Variants in PDE8B observed in about 807,000 individuals in gnomAD.
The protein encoded by PDE8B is phosphodiesterase 8B, also known as high affinity cAMP-specific and IBMX-insensitive 3',5'-cyclic phosphodiesterase 8B.
In PDE8B, 26 loss-of-function variants were observed where a neutral mutation model predicts 101.3. That is an observed-to-expected ratio of 0.26 (90% CI 0.19 to 0.36). The LOEUF is 0.36. PDE8B is among the 10% of genes least tolerant of loss of function. The probability of loss-of-function intolerance (pLI) is 1.00; values close to 1 mark genes in which losing one functional copy is unlikely to be tolerated. For missense variants in PDE8B, 810 were observed against 1,163.1 expected (o/e 0.70, Z 4.42); for synonymous variants, 424 against 429.3 (o/e 0.99, Z 0.15).
At chr5:77,396,765 C>T (rs1336966761) in intron 10 of PDE8B, among the ~76,000 whole-genome samples, 3 of 152,062 alleles carry the variant, frequency 2.0e-5, no homozygotes, top group African/African-American at 7.2e-5. Context: ...ACTTCTTTAT[C>T]AAAACACATC....
intron 10 of PDE8B, among the ~76,000 whole-genome samples, chr5:77,378,415 C>T (rs926930197): frequency 8.8e-5 from 12 of 136,018 alleles, no homozygotes; most frequent in African/African-American, 2.0e-4. Context: ...ACTGAGATCG[C>T]GCCACCGCAC....
the PDE8B span, among the ~76,000 whole-genome samples, chr5:77,154,704 C>A: frequency 3.9e-5 from 6 of 152,244 alleles, no homozygotes; most frequent in Admixed American, 3.9e-4. Context: ...GACCTTGTGA[C>A]GTGACACATA....
the PDE8B span, among the ~76,000 whole-genome samples, chr5:77,101,140 T>A: frequency 6.6e-6 from 1 of 151,172 alleles, no homozygotes; most frequent in African/African-American, 2.4e-5. Context: ...TGCCTGTTTT[T>A]TTTTTTTTTT....
At chr5:77,320,236 G>A (rs1774728787) in intron 2 of PDE8B, among the ~76,000 whole-genome samples, 1 of 152,172 alleles carries the variant, frequency 6.6e-6, no homozygotes, top group Non-Finnish European at 1.5e-5. Context: ...AGTGAAAAAT[G>A]TACCCACTAC....
At chr5:77,232,962 T>C (rs1307148048) in intron 1 of PDE8B, among the ~76,000 whole-genome samples, 2 of 152,220 alleles carry the variant, frequency 1.3e-5, no homozygotes, top group African/African-American at 4.8e-5. Context: ...AATTGGAAGA[T>C]GTCACAGGAG....
At chr5:77,247,785 G>C (rs1757274028) in intron 1 of PDE8B, among the ~76,000 whole-genome samples, 1 of 152,114 alleles carries the variant, frequency 6.6e-6, no homozygotes, top group Non-Finnish European at 1.5e-5. Flanking sequence ...CCTCAAGAGA[G>C]GTGGAAATCA....
chr5:77,377,958 C>T (rs1786497421), intron 10 of PDE8B, among the ~76,000 whole-genome samples: 1 of 149,486 alleles, frequency 6.7e-6, no homozygotes, highest in Non-Finnish European at 1.5e-5. Flanking sequence ...ATCATGTGAG[C>T]CAATTTATAT....
At chr5:77,248,544 TA>T (rs1757426615) in intron 1 of PDE8B, among the ~76,000 whole-genome samples, 1 of 152,158 alleles carries the variant, frequency 6.6e-6, no homozygotes, top group African/African-American at 2.4e-5. Flanking sequence ...CAGTATACCT[TA>T]TCACTACAGG....
At chr5:77,405,589 G>T (rs150251969) in intron 12 of PDE8B, among the ~76,000 whole-genome samples, 1 of 152,148 alleles carries the variant, frequency 6.6e-6, no homozygotes, top group Non-Finnish European at 1.5e-5. Context: ...TGTGCATGTA[G>T]TGAAAGGACA....
Position 77,412,080 on chromosome 5 carries a change from C to T in PDE8B, c.1577-20C>T, listed in dbSNP as rs372977945. 2.5e-6 allele frequency: 4 copies of T among 1,613,758 alleles called. No homozygotes were observed. In the South Asian group the frequency reaches 4.4e-5, roughly 18 times the overall value. On this transcript the variant is annotated intron_variant, in intron 15 of 21. Transcript: ENST00000264917. ...GATTCCACAATTAACCAGCCTCCCC[C>T]ATCCCATCTGTTTGCTCAGATGTGC...
At chr5:77,090,612 C>A in the PDE8B span, among the ~76,000 whole-genome samples, 1 of 152,136 alleles carries the variant, frequency 6.6e-6, no homozygotes, top group South Asian at 2.1e-4. Context: ...ACTTTAATTT[C>A]TAAGATTCCA....
chr5:77,191,676 C>T, the PDE8B span, among the ~76,000 whole-genome samples: 1 of 152,144 alleles, frequency 6.6e-6, no homozygotes, highest in African/African-American at 2.4e-5. Context: ...TTTAAAGCAG[C>T]GGTCCCCAAC....
Position 77,400,233 on chromosome 5 carries a change from T to C in PDE8B, c.1168-15T>C. ...AATCTTTCTCTTGTTTTATCAAACT[T>C]TTGAACGACTTTAGATTCACAAGAT... is the stretch of plus-strand genomic sequence containing the variant. On this transcript the variant is annotated splice_polypyrimidine_tract_variant and intron_variant, in intron 10 of 21. Transcript: ENST00000264917. The C allele has an allele frequency of 6.3e-7, 1 of 1,581,384 alleles. No individual in the cohort carries two copies. Among genetic ancestry groups the C allele is most frequent in the Non-Finnish European group, 8.7e-7 (1 of 1,150,214 alleles).
upstream of PDE8B, among the ~76,000 whole-genome samples, chr5:77,207,626 C>T (rs1487157589): frequency 6.6e-6 from 1 of 152,054 alleles, no homozygotes; most frequent in African/African-American, 2.4e-5. Flanking sequence ...TTTGCTGTCA[C>T]CTGGGATGCA....
chr5:77,309,554 CAA>C (rs67861243), intron 1 of PDE8B, among the ~76,000 whole-genome samples: 29,121 of 151,938 alleles, frequency 0.19, 3,361 homozygotes, highest in Middle Eastern at 0.3. Flanking sequence ...GCAGTGAACT[CAA>C]GAGAGATCAC....
the PDE8B span, among the ~76,000 whole-genome samples, chr5:77,184,516 AC>A: frequency 1.3e-5 from 2 of 152,210 alleles, no homozygotes; most frequent in African/African-American, 4.8e-5. Flanking sequence ...TCCATATTTG[AC>A]CATTTTTTGC....
intron 20 of PDE8B, among the ~76,000 whole-genome samples, chr5:77,423,353 TTA>T (rs1309580806): frequency 6.6e-6 from 1 of 152,192 alleles, no homozygotes; most frequent in Non-Finnish European, 1.5e-5. Flanking sequence ...GTAGAATGAT[TTA>T]TTTTCCTTTG....
chr5:77,161,949 T>A, the PDE8B span, among the ~76,000 whole-genome samples: 1 of 151,934 alleles, frequency 6.6e-6, no homozygotes, highest in Non-Finnish European at 1.5e-5. Context: ...AATGTTTTGA[T>A]CTTGTTTAAT....
At chr5:77,147,468 T>A in the PDE8B span, 1 of 152,698 alleles carries the variant, frequency 6.5e-6, no homozygotes, top group Non-Finnish European at 1.5e-5. Flanking sequence ...GATGGTAGAT[T>A]TTTTATTTTC....
Sources: gnomAD v4.1 joint callset for allele counts (sites outside exome capture counted in the v4.1 genomes callset) on GRCh38, gnomAD v4.1.1 for gene constraint, MANE v1.5 for transcripts, NCBI Gene and HGNC (gene_info 2026-07-23, HGNC 2026-07-21) for gene names.